Variants in CD70 observed in about 807,000 individuals in gnomAD.
The protein encoded by CD70 is CD70 antigen.
CD70 carries 6 observed loss-of-function variants against 9.0 expected under a neutral mutation model. That is an observed-to-expected ratio of 0.67 (90% CI 0.37 to 1.32). The LOEUF (loss-of-function observed/expected upper bound fraction) is 1.32. CD70 is among the 40% of genes most tolerant of loss of function. The probability of loss-of-function intolerance (pLI) is 0.02; values close to 1 mark genes in which losing one functional copy is unlikely to be tolerated. For missense variants in CD70, 235 were observed against 258.7 expected, an observed-to-expected ratio of 0.91 and a Z score of 0.63; for synonymous variants, 108 against 112.3, an observed-to-expected ratio of 0.96 and a Z score of 0.24.
downstream of CD70, among the ~76,000 whole-genome samples, chr19:6,584,505 C>CA (rs140077436): frequency 4.0e-5 from 6 of 149,694 alleles, no homozygotes; most frequent in African/African-American, 7.4e-5. Context: ...GACTCCATCT[C>CA]AAAAAAAAAG....
chr19:6,585,314 T>C (rs1915992292), downstream of CD70, among the ~76,000 whole-genome samples: 1 of 151,832 alleles, frequency 6.6e-6, no homozygotes, highest in African/African-American at 2.4e-5. Context: ...GTTTCCTCTC[T>C]TGTCAAATAG....
chr19:6,589,979 C>T (rs888465514), intron 2 of CD70, 124 bp downstream of exon 2: 9 of 743,126 alleles, frequency 1.2e-5, no homozygotes, highest in Non-Finnish European at 1.9e-5. Context: ...CTCTCCCTCC[C>T]TCTCTCCCTC....
downstream of CD70, among the ~76,000 whole-genome samples, chr19:6,585,287 C>T (rs1808398): frequency 0.63 from 95,386 of 151,598 alleles, 31,812 homozygotes; most frequent in East Asian, 0.76. Context: ...GAGACAGTCA[C>T]CCAAAGTGAT....
At chr19:6,584,740 C>T (rs1915982950), downstream of CD70, among the ~76,000 whole-genome samples, 1 of 148,134 alleles carries the variant, frequency 6.8e-6, no homozygotes, top group Admixed American at 6.7e-5. Context: ...GTGGCCTGTG[C>T]TGGCGGTCCT....
rs1916142203 is a variant in CD70 at position 6,590,858 on chromosome 19, G to T, written c.145C>A (p.Pro49Thr). 3 of 1,612,810 alleles carry T rather than the reference G, an allele frequency of 1.9e-6. No homozygotes were observed. The Admixed American group carries it at 5.0e-5, about 27-fold the overall frequency. Residue 49 changes from proline to threonine, a missense_variant, in exon 1 of 3, where the codon CCG becomes ACG. Transcript: ENST00000245903. This position sits in a 1 kb window ranked among gnomAD's most constrained non-coding sequence, Gnocchi z 5.3. ...QRFAQAQQQL[P>T]LESLGWDVAE... Reference sequence around the variant, plus strand: ...CAACTCACCCCAAGTGACTCGAGCGGCAGCTGCTGCTGAGCCTGTGCGAAG... The same window carrying T: ...CAACTCACCCCAAGTGACTCGAGCGTCAGCTGCTGCTGAGCCTGTGCGAAG...
At chr19:6,585,132 G>A (rs1915989368), downstream of CD70, among the ~76,000 whole-genome samples, 1 of 151,906 alleles carries the variant, frequency 6.6e-6, no homozygotes, top group Non-Finnish European at 1.5e-5. Flanking sequence ...GATTACAGGC[G>A]CCCTGGACCA....
intron 2 of CD70, among the ~76,000 whole-genome samples, chr19:6,587,297 T>A (rs1467638425): frequency 8.1e-6 from 1 of 123,236 alleles, no homozygotes; most frequent in Non-Finnish European, 1.7e-5. Flanking sequence ...CAGGAGAGAG[T>A]ACGAGAGACA....
rs368911759 is a variant in CD70 at position 6,589,343 on chromosome 19, TTC to T, written c.196+758_196+759del. Among the ~76,000 whole-genome samples, 448 of 150,646 alleles carry T rather than the reference TTC, an allele frequency of 3.0e-3. 5 individuals are homozygous for T. Among genetic ancestry groups the T allele is most frequent in the African/African-American group, 0.01 (426 of 40,968 alleles). On this transcript the variant is annotated intron_variant, in intron 2 of 2. Transcript: ENST00000245903. ...CCCTCCCTCTCTCCTTCCTTCCTTC[TTC>T]TCTTTCTTTTCCTTCCTTCCTTTCT...
intron 2 of CD70, among the ~76,000 whole-genome samples, chr19:6,588,704 G>A (rs1421230218): frequency 1.3e-5 from 2 of 151,366 alleles, no homozygotes; most frequent in African/African-American, 4.9e-5. Context: ...TGGCATGCCC[G>A]GATTCCCCAC....
intron 2 of CD70, among the ~76,000 whole-genome samples, chr19:6,589,590 A>G (rs112550863): frequency 1.1e-4 from 17 of 151,878 alleles, no homozygotes; most frequent in African/African-American, 3.9e-4. Context: ...GGGTTTCACC[A>G]TGTTGGCCAG....
intron 2 of CD70, among the ~76,000 whole-genome samples, chr19:6,589,850 C>CT (rs11458827): frequency 0.76 from 112,593 of 147,582 alleles, 43,263 homozygotes; most frequent in South Asian, 0.81. Context: ...CTTCTCCTGT[C>CT]CCGTCTGTCC....
In CD70 at chr19:6,590,148, G is replaced by A. The variant is rs980652257; in HGVS notation, c.163-12C>T. 6.2e-7 allele frequency: 1 copy of A among 1,613,174 alleles called. No individual in the cohort carries two copies. Among genetic ancestry groups the A allele is most frequent in the African/African-American group, 1.3e-5 (1 of 74,876 alleles). ...TCAGCTACGTCCCACTGGAAGAAAA[G>A]ACCAGAAAACAGGGCACGGACGTAA... On this transcript the variant is annotated splice_polypyrimidine_tract_variant and intron_variant, in intron 1 of 2. Coordinates refer to ENST00000245903, the MANE Select transcript of CD70 (RefSeq NM_001252.5). The surrounding 1 kb of genome is among the most constrained non-coding windows in gnomAD (Gnocchi z 5.3).
chr19:6,588,106 C>T (rs911966710), intron 2 of CD70, among the ~76,000 whole-genome samples: 6 of 152,154 alleles, frequency 3.9e-5, no homozygotes, highest in Non-Finnish European at 8.8e-5. Flanking sequence ...TCAAGGCTCT[C>T]CTGGAGACTG....
chr19:6,584,988 A>G (rs56379641), downstream of CD70, among the ~76,000 whole-genome samples: 13,765 of 151,948 alleles, frequency 0.091, 681 homozygotes, highest in Middle Eastern at 0.12. Context: ...GTTCCATTAC[A>G]TAGTTAAATG....
At chr19:6,589,853 G>A (rs1216397359) in intron 2 of CD70, among the ~76,000 whole-genome samples, 1 of 128,188 alleles carries the variant, frequency 7.8e-6, no homozygotes, top group African/African-American at 3.0e-5. Context: ...CTCCTGTCCC[G>A]TCTGTCCCCT....
In CD70 at chr19:6,590,906, A is replaced by C; in HGVS notation, c.97T>G (p.Cys33Gly). The stretch of plus-strand genomic sequence containing the variant: ...AAGCGCTGGATGCACACCACGAGGC[A>C]GATCACCAAGCCCGCGACCAATGGG... ...LVPLVAGLVI[C>G]LVVCIQRFAQ... Residue 33 changes from cysteine (C) to glycine (G), a missense_variant, in exon 1 of 3, where the codon TGC becomes GGC. Coordinates refer to ENST00000245903, the MANE Select transcript of CD70 (RefSeq NM_001252.5). The surrounding 1 kb of genome is among the most constrained non-coding windows in gnomAD (Gnocchi z 5.3). The C allele has an allele frequency of 6.2e-7, 1 of 1,614,132 alleles. No homozygotes were observed. Among genetic ancestry groups the C allele is most frequent in the Non-Finnish European group, 8.5e-7 (1 of 1,180,000 alleles).
At chr19:6,588,867 AT>A (rs1024715991) in intron 2 of CD70, among the ~76,000 whole-genome samples, 1 of 151,958 alleles carries the variant, frequency 6.6e-6, no homozygotes, top group African/African-American at 2.4e-5. Flanking sequence ...CCAGGCAGGG[AT>A]TTCTGTCTGT....
chr19:6,591,055 G>T lies in CD70; in HGVS notation c.-53C>A. On this transcript the variant is annotated 5_prime_UTR_variant, in exon 1 of 3. Coordinates refer to ENST00000245903, the MANE Select transcript of CD70 (RefSeq NM_001252.5). Reference sequence around the variant, plus strand: ...AGGAGGGGCGATGGGGGCGCGGAGCGCTGCCGAGAAGGAAGGAAGGAAACT... The same window carrying T: ...AGGAGGGGCGATGGGGGCGCGGAGCTCTGCCGAGAAGGAAGGAAGGAAACT... 6.5e-7 allele frequency: 1 copy of T among 1,530,292 alleles called. No homozygotes were observed. The allele number at this position is 1,530,292 out of a possible 1,614,324, so 94.8% of individuals were successfully genotyped here.
At chr19:6,588,205 C>A (rs1326546099) in intron 2 of CD70, among the ~76,000 whole-genome samples, 4 of 152,172 alleles carry the variant, frequency 2.6e-5, no homozygotes, top group Non-Finnish European at 2.9e-5. Context: ...AAGAGTGACA[C>A]CTGGTCCCCT....
Sources: allele counts gnomAD v4.1 joint callset (sites outside exome capture counted in the v4.1 genomes callset), GRCh38; gene constraint gnomAD v4.1.1; non-coding constraint Gnocchi (gnomAD v3.1); transcripts MANE v1.5; gene names NCBI Gene and HGNC (gene_info 2026-07-23, HGNC 2026-07-21).